PDZRN4: variants seen among roughly 807,000 people sequenced by gnomAD.
PDZRN4 encodes PDZ domain containing ring finger 4, also known as PDZ domain-containing RING finger protein 4.
Under a neutral mutation model 99.0 loss-of-function variants are expected in PDZRN4, and 70 were observed. The observed-to-expected ratio is 0.71, with a 90% CI of 0.58 to 0.86. The LOEUF (loss-of-function observed/expected upper bound fraction) is 0.86. PDZRN4 is among the 40% of genes least tolerant of loss of function. The probability of loss-of-function intolerance (pLI) is 0.00; values close to 1 mark genes in which losing one functional copy is unlikely to be tolerated. For synonymous variants in PDZRN4, 551 were observed against 501.6 expected, an observed-to-expected ratio of 1.10 and a Z score of -1.32; for missense variants, 1,474 against 1,331.2, an observed-to-expected ratio of 1.11 and a Z score of -1.67.
At chr12:41,234,166 G>A (rs1435908053) in intron 3 of PDZRN4, among the ~76,000 whole-genome samples, 1 of 151,952 alleles carries the variant, frequency 6.6e-6, no homozygotes, top group Non-Finnish European at 1.5e-5. Context: ...AATTTATAGA[G>A]CTACTACTAA....
chr12:41,197,828 A>G (rs558643037), intron 3 of PDZRN4, among the ~76,000 whole-genome samples: 1 of 151,842 alleles, frequency 6.6e-6, no homozygotes, highest in Non-Finnish European at 1.5e-5. Context: ...TGTGGGAGGG[A>G]GTTGAGAAAC....
chr12:41,233,977 C>T (rs1951048462), intron 3 of PDZRN4, among the ~76,000 whole-genome samples: 1 of 151,690 alleles, frequency 6.6e-6, no homozygotes, highest in Non-Finnish European at 1.5e-5. Context: ...AAATCTGTTT[C>T]CAGATGTAGC....
chr12:41,540,941 C>T (rs559093367), intron 5 of PDZRN4, among the ~76,000 whole-genome samples: 21 of 142,788 alleles, frequency 1.5e-4, no homozygotes, highest in Admixed American at 7.0e-4. Context: ...GTTGTTGTTT[C>T]GGAGACGGAG....
intron 7 of PDZRN4, among the ~76,000 whole-genome samples, chr12:41,561,274 C>A (rs1028436416): frequency 6.6e-6 from 1 of 152,016 alleles, no homozygotes; most frequent in South Asian, 2.1e-4. Context: ...TTATTTAGCA[C>A]GAAAGAGTCT....
chr12:41,431,702 A>G (rs1435886271), intron 3 of PDZRN4, among the ~76,000 whole-genome samples: 1 of 152,222 alleles, frequency 6.6e-6, no homozygotes, highest in Non-Finnish European at 1.5e-5. Context: ...GACAACTCTT[A>G]GGAGTTCATA....
intron 3 of PDZRN4, among the ~76,000 whole-genome samples, chr12:41,351,962 A>AAG (rs1394606137): frequency 7.5e-5 from 9 of 119,292 alleles, no homozygotes; most frequent in Non-Finnish European, 1.7e-4. Flanking sequence ...CTGGGCAACA[A>AAG]AGAGAGACCA....
At chr12:41,327,582 A>T (rs1951718171) in intron 3 of PDZRN4, among the ~76,000 whole-genome samples, 1 of 152,196 alleles carries the variant, frequency 6.6e-6, no homozygotes. Flanking sequence ...GATAAACAGC[A>T]AAAAGCATGC....
intron 3 of PDZRN4, among the ~76,000 whole-genome samples, chr12:41,293,764 C>CTTAAAATTA (rs1285098465): frequency 6.6e-6 from 1 of 152,118 alleles, no homozygotes; most frequent in African/African-American, 2.4e-5. Context: ...TCCCTGATCC[C>CTTAAAATTA]ATTTGTCCTC....
At chr12:41,549,734 AT>A (rs1201263165) in intron 5 of PDZRN4, among the ~76,000 whole-genome samples, 17 of 152,200 alleles carry the variant, frequency 1.1e-4, no homozygotes, top group Non-Finnish European at 5.9e-5. Flanking sequence ...TTTGAGAGAT[AT>A]TTATGTATCA....
At chr12:41,364,694 A>G (rs1022779451) in intron 3 of PDZRN4, among the ~76,000 whole-genome samples, 1 of 152,112 alleles carries the variant, frequency 6.6e-6, no homozygotes, top group Non-Finnish European at 1.5e-5. Context: ...TGCTCAAGGC[A>G]GTTGCTAGAT....
intron 5 of PDZRN4, among the ~76,000 whole-genome samples, chr12:41,537,430 A>G (rs1938767406): frequency 6.6e-6 from 1 of 152,208 alleles, no homozygotes; most frequent in African/African-American, 2.4e-5. Flanking sequence ...TAATTAGGAT[A>G]GTAAACGAAG....
chr12:41,558,097 A>T (rs550960181), intron 7 of PDZRN4, among the ~76,000 whole-genome samples: 62 of 152,338 alleles, frequency 4.1e-4, no homozygotes, highest in African/African-American at 1.4e-3. Context: ...AAGCTTCAAA[A>T]GTGTTTTACT....
intron 3 of PDZRN4, among the ~76,000 whole-genome samples, chr12:41,234,868 C>T (rs756316119): frequency 1.3e-5 from 2 of 151,942 alleles, no homozygotes; most frequent in African/African-American, 2.4e-5. Context: ...TCAATGAGCA[C>T]GAGTGAATAA....
At position 41,435,759 on chromosome 12, in the gene PDZRN4, C is replaced by T. The variant is rs1007288254; in HGVS notation, c.844-70697C>T. On this transcript the variant is annotated intron_variant, in intron 3 of 9. Transcript: ENST00000402685. ...GCCAAAATGGCACCACTGCACTCCA[C>T]TCTGGGCAACAGAGCAAGACTCTGT... 2.0e-5 allele frequency among the ~76,000 whole-genome samples: 3 copies of T among 152,028 alleles called. No homozygotes were observed. The South Asian group carries it at 6.2e-4, about 32-fold the overall frequency.
intron 3 of PDZRN4, among the ~76,000 whole-genome samples, chr12:41,366,153 T>C (rs1951998949): frequency 6.6e-6 from 1 of 152,134 alleles, no homozygotes; most frequent in Non-Finnish European, 1.5e-5. Flanking sequence ...TTAAAGTTTA[T>C]GGTGCATGAT....
rs765312643 is a variant in PDZRN4, at chr12:41,573,710, C to T, written c.2931C>T (p.Ser977=). Residue 977 remains serine, a synonymous_variant, in exon 10 of 10, where the codon AGC becomes AGT. Coordinates refer to ENST00000402685, the MANE Select transcript of PDZRN4 (RefSeq NM_001164595.2). ...AGTGTCTCAAGGAGAGCCCTCAGAG[C>T]GGCAGTGAGGGCAAGAAGGAGATCA... ...RLECLKESPQ[S]GSEGKKEINI... is the part of the protein sequence containing the mutation. 4 of 1,613,692 alleles carry T rather than the reference C, an allele frequency of 2.5e-6. No individual in the cohort carries two copies. The highest frequency in any genetic ancestry group is 2.2e-5 in the South Asian group (2 of 91,058).
At position 41,243,412 on chromosome 12, in the gene PDZRN4, A is replaced by C. The variant is rs764114166; in HGVS notation, c.843+49224A>C. 7.3e-4 allele frequency among the ~76,000 whole-genome samples: 111 copies of C among 152,368 alleles called. No homozygotes were observed. The South Asian group carries it at 9.3e-3, about 13-fold the overall frequency. The stretch of plus-strand genomic sequence containing the variant: ...AGTTCAGTCAGTTAAACAAGGAAAA[A>C]TATTGATTTTAAAATACTTCAGGTT... On this transcript the variant is annotated intron_variant, in intron 3 of 9. Coordinates refer to ENST00000402685, the MANE Select transcript of PDZRN4 (RefSeq NM_001164595.2).
chr12:41,310,274 G>T (rs975508997), intron 3 of PDZRN4, among the ~76,000 whole-genome samples: 1 of 152,034 alleles, frequency 6.6e-6, no homozygotes, highest in African/African-American at 2.4e-5. Flanking sequence ...GTGTGTGTGT[G>T]TGTGTATGCA....
chr12:41,309,520 C>A (rs1164919043), intron 3 of PDZRN4, among the ~76,000 whole-genome samples: 1 of 152,122 alleles, frequency 6.6e-6, no homozygotes, highest in East Asian at 1.9e-4. Flanking sequence ...CCCCACCTCC[C>A]AACATTGTTG....
Sources: allele counts gnomAD v4.1 joint callset (sites outside exome capture counted in the v4.1 genomes callset), GRCh38; gene constraint gnomAD v4.1.1; transcripts MANE v1.5; gene names NCBI Gene and HGNC (gene_info 2026-07-23, HGNC 2026-07-21).